KLHL32: variants seen among roughly 807,000 people sequenced by gnomAD.
KLHL32 encodes the protein kelch-like protein 32.
In KLHL32, 35 loss-of-function variants were observed where a neutral mutation model predicts 64.8. The observed-to-expected ratio is 0.54, with a 90% CI of 0.41 to 0.72. KLHL32 has a LOEUF of 0.72. Among genes scored for constraint, KLHL32 ranks in the 30% least tolerant of loss-of-function variants. The pLI, the probability that KLHL32 is intolerant of heterozygous loss-of-function variation, is 0.00. For synonymous variants in KLHL32, 259 were observed against 281.0 expected, an observed-to-expected ratio of 0.92 and a Z score of 0.78; for missense variants, 589 against 768.5, an observed-to-expected ratio of 0.77 and a Z score of 2.76.
chr6:97,067,823 C>T (rs1300307434), intron 5 of KLHL32, among the ~76,000 whole-genome samples: 1 of 152,200 alleles, frequency 6.6e-6, no homozygotes, highest in Non-Finnish European at 1.5e-5. Flanking sequence ...CTGTTCCTCC[C>T]TGGCTTCATC....
intron 1 of KLHL32, among the ~76,000 whole-genome samples, chr6:96,940,750 C>G (rs1000332973): frequency 6.6e-6 from 1 of 152,204 alleles, no homozygotes; most frequent in African/African-American, 2.4e-5. Context: ...CGTACTTACT[C>G]TCTAAATGCT....
At chr6:96,898,553 A>G in the KLHL32 span, among the ~76,000 whole-genome samples, 1 of 151,856 alleles carries the variant, frequency 6.6e-6, no homozygotes, top group East Asian at 1.9e-4. Flanking sequence ...ACTTTCCCTT[A>G]TCTTATTTTT....
chr6:96,900,127 A>G, the KLHL32 span, among the ~76,000 whole-genome samples: 1 of 152,198 alleles, frequency 6.6e-6, no homozygotes, highest in Non-Finnish European at 1.5e-5. Context: ...CTGCCTGAAC[A>G]CTAGCCCTGC....
At chr6:96,906,152 G>T in the KLHL32 span, among the ~76,000 whole-genome samples, 1 of 152,206 alleles carries the variant, frequency 6.6e-6, no homozygotes, top group Non-Finnish European at 1.5e-5. Flanking sequence ...AGGGAGGCAG[G>T]TGTGGTAGAC....
chr6:97,117,468 C>G (rs1409818413), intron 7 of KLHL32, among the ~76,000 whole-genome samples: 1 of 152,116 alleles, frequency 6.6e-6, no homozygotes, highest in African/African-American at 2.4e-5. Flanking sequence ...CCACACCTCT[C>G]CCCCATTTTG....
At chr6:96,919,928 G>A (rs1172257041), upstream of KLHL32, among the ~76,000 whole-genome samples, 1 of 152,198 alleles carries the variant, frequency 6.6e-6, no homozygotes, top group Non-Finnish European at 1.5e-5. Context: ...CCTCAGTGGA[G>A]GGATAACATT....
At chr6:96,977,992 A>G (rs1775898989) in intron 3 of KLHL32, among the ~76,000 whole-genome samples, 1 of 152,146 alleles carries the variant, frequency 6.6e-6, no homozygotes, top group Non-Finnish European at 1.5e-5. Flanking sequence ...GAAAGGTCAT[A>G]TTATTCAGAG....
chr6:97,137,190 A>G (rs1210776692), intron 10 of KLHL32, among the ~76,000 whole-genome samples: 1 of 152,204 alleles, frequency 6.6e-6, no homozygotes, highest in East Asian at 1.9e-4. Flanking sequence ...ACTAATCTTG[A>G]AAGATTCTCT....
chr6:96,950,331 G>C (rs1452140577), intron 1 of KLHL32, among the ~76,000 whole-genome samples: 1 of 152,026 alleles, frequency 6.6e-6, no homozygotes, highest in Admixed American at 6.6e-5. Context: ...AAAGAGAAGA[G>C]TGGGATGTGA....
chr6:97,000,009 G>C (rs568653531), intron 3 of KLHL32, among the ~76,000 whole-genome samples: 1 of 152,246 alleles, frequency 6.6e-6, no homozygotes, highest in East Asian at 1.9e-4. Flanking sequence ...TCTGTGATCA[G>C]AACCTAAAGG....
chr6:97,086,712 T>C (rs1464984699), intron 6 of KLHL32, among the ~76,000 whole-genome samples: 5 of 152,212 alleles, frequency 3.3e-5, no homozygotes, highest in Non-Finnish European at 5.9e-5. Flanking sequence ...GTAATGTTTG[T>C]TCAGGCAGAG....
intron 6 of KLHL32, among the ~76,000 whole-genome samples, chr6:97,091,995 T>G (rs79292545): frequency 7.9e-5 from 12 of 151,646 alleles, no homozygotes; most frequent in Non-Finnish European, 1.3e-4. Context: ...TTTTTTTTTT[T>G]TTGTTGTTGT....
intron 3 of KLHL32, among the ~76,000 whole-genome samples, chr6:97,011,615 G>C (rs1430536393): frequency 1.3e-5 from 2 of 152,136 alleles, no homozygotes; most frequent in African/African-American, 4.8e-5. Flanking sequence ...CCAATTCACT[G>C]TAGTGTGAAA....
chr6:97,137,340 T>A (rs774804713), intron 10 of KLHL32, among the ~76,000 whole-genome samples: 17 of 152,250 alleles, frequency 1.1e-4, no homozygotes, highest in South Asian at 6.2e-4. Flanking sequence ...AACGTTTGTA[T>A]TTAGTATATG....
intron 7 of KLHL32, among the ~76,000 whole-genome samples, chr6:97,114,761 C>T (rs1797641781): frequency 6.6e-6 from 1 of 152,178 alleles, no homozygotes; most frequent in Non-Finnish European, 1.5e-5. Flanking sequence ...TCCATCACAA[C>T]TGTTTTTTTC....
rs748065603 is a variant in KLHL32 at position 96,967,102 on chromosome 6, G to A, written c.23+19G>A. On this transcript the variant is annotated intron_variant, in intron 2 of 10. Transcript: ENST00000369261. ...GCCTCAGGTATGCCCTGTAGGATATGTCCTCACATGCCGTAGTGAGCCCTG... is the reference window on the plus strand; with the variant it reads ...GCCTCAGGTATGCCCTGTAGGATATATCCTCACATGCCGTAGTGAGCCCTG... The A allele has an allele frequency of 2.5e-6, 4 of 1,612,240 alleles. No individual in the cohort carries two copies. The highest frequency in any genetic ancestry group is 2.2e-5 in the East Asian group (1 of 44,860).
At chr6:97,031,283 T>C (rs1277819361) in intron 3 of KLHL32, among the ~76,000 whole-genome samples, 4 of 152,188 alleles carry the variant, frequency 2.6e-5, no homozygotes, top group African/African-American at 9.7e-5. Flanking sequence ...ATAGTTCCCC[T>C]TTTTTAATCT....
chr6:96,966,365 ATG>A (rs1396473971), intron 1 of KLHL32, among the ~76,000 whole-genome samples: 1 of 152,212 alleles, frequency 6.6e-6, no homozygotes, highest in Non-Finnish European at 1.5e-5. Context: ...AAATGAATAA[ATG>A]TGCTTGAATA....
At chr6:97,034,678 T>C (rs1784040088) in intron 3 of KLHL32, among the ~76,000 whole-genome samples, 1 of 152,088 alleles carries the variant, frequency 6.6e-6, no homozygotes, top group Non-Finnish European at 1.5e-5. Flanking sequence ...TTTGATTTCC[T>C]TCACCAATGT....
Sources: allele counts gnomAD v4.1 joint callset (sites outside exome capture counted in the v4.1 genomes callset), GRCh38; gene constraint gnomAD v4.1.1; transcripts MANE v1.5; gene names NCBI Gene and HGNC (gene_info 2026-07-23, HGNC 2026-07-21).